XYLT1: variants seen among roughly 807,000 people sequenced by gnomAD.
XYLT1 encodes the protein beta-D-xylosyltransferase 1.
A neutral mutation model predicts 91.3 loss-of-function variants in XYLT1; 36 were observed. That is an observed-to-expected ratio of 0.39 (90% confidence interval 0.30 to 0.52). The LOEUF (loss-of-function observed/expected upper bound fraction) is 0.52, where lower values mean the gene tolerates loss of function less well. Ranked by LOEUF, XYLT1 falls within the 20% of genes least tolerant of loss-of-function variation. The pLI is 0.68. For synonymous variants in XYLT1, 588 were observed against 532.0 expected, an observed-to-expected ratio of 1.11 and a Z score of -1.45; for missense variants, 1,242 against 1,284.5, an observed-to-expected ratio of 0.97 and a Z score of 0.51.
chr16:17,432,621 A>G (rs1004026359), intron 1 of XYLT1, among the ~76,000 whole-genome samples: 12 of 152,314 alleles, frequency 7.9e-5, no homozygotes, highest in African/African-American at 2.6e-4. Flanking sequence ...AAGTTTACTA[A>G]AAATTATTGC....
intron 5 of XYLT1, among the ~76,000 whole-genome samples, chr16:17,187,542 G>A (rs1465980614): frequency 7.3e-6 from 1 of 136,934 alleles, no homozygotes; most frequent in African/African-American, 2.8e-5. Flanking sequence ...ACTCTAGCCT[G>A]GGTGACAGAG....
chr16:17,425,307 T>C (rs998366922), intron 1 of XYLT1, among the ~76,000 whole-genome samples: 2 of 152,176 alleles, frequency 1.3e-5, no homozygotes, highest in Admixed American at 1.3e-4. Context: ...TTTAGATGCA[T>C]TGTAGGGTGA....
intron 1 of XYLT1, among the ~76,000 whole-genome samples, chr16:17,366,487 G>C (rs994674862): frequency 6.6e-6 from 1 of 152,202 alleles, no homozygotes; most frequent in African/African-American, 2.4e-5. Context: ...TTGCGGTCAG[G>C]AGGTCGAGAC....
chr16:17,137,792 C>T (rs1161880746), intron 8 of XYLT1, among the ~76,000 whole-genome samples: 9 of 151,812 alleles, frequency 5.9e-5, no homozygotes, highest in Non-Finnish European at 1.0e-4. Flanking sequence ...GGCTGCTCCT[C>T]AGAAAAGTGC....
At chr16:17,280,848 C>A (rs2141784190) in intron 2 of XYLT1, among the ~76,000 whole-genome samples, 1 of 152,260 alleles carries the variant, frequency 6.6e-6, no homozygotes, top group South Asian at 2.1e-4. Flanking sequence ...CTTTTATTTT[C>A]TCTCTTCTCA....
intron 6 of XYLT1, among the ~76,000 whole-genome samples, chr16:17,158,579 G>T (rs1028655337): frequency 1.3e-5 from 2 of 152,206 alleles, no homozygotes; most frequent in African/African-American, 2.4e-5. Flanking sequence ...TATTGGACTT[G>T]TGGAAGTCCT....
chr16:17,248,464 C>T lies in XYLT1; in HGVS notation c.913+10524G>A, dbSNP rs114895733. Among the ~76,000 whole-genome samples, 881 of 152,300 alleles carry T rather than the reference C, an allele frequency of 5.8e-3. 8 individuals carry two copies. Among genetic ancestry groups the T allele is most frequent in the African/African-American group, 0.02 (825 of 41,562 alleles). On this transcript the variant is annotated intron_variant, in intron 3 of 11. Transcript: ENST00000261381. ...CCATTCTCCTTGCTCAAAGCAAAGA[C>T]ACAGATCCTCTAAACCTAGCACTTT... is the stretch of plus-strand genomic sequence containing the variant.
chr16:17,124,787 T>C (rs1567282790), intron 10 of XYLT1, among the ~76,000 whole-genome samples: 1 of 87,574 alleles, frequency 1.1e-5, no homozygotes. Context: ...GCTTTGTTCA[T>C]TTTTTAAAAA....
At chr16:17,423,097 C>T (rs2036269047) in intron 1 of XYLT1, among the ~76,000 whole-genome samples, 1 of 151,770 alleles carries the variant, frequency 6.6e-6, no homozygotes, top group Non-Finnish European at 1.5e-5. Flanking sequence ...ATGTGATTAT[C>T]GTTGCCAGAG....
chr16:17,340,460 A>G (rs1246174903), intron 2 of XYLT1, among the ~76,000 whole-genome samples: 1 of 152,218 alleles, frequency 6.6e-6, no homozygotes, highest in Non-Finnish European at 1.5e-5. Context: ...TTCCTTACCC[A>G]GGAACATTTT....
intron 3 of XYLT1, among the ~76,000 whole-genome samples, chr16:17,202,110 T>C (rs1282703267): frequency 1.3e-5 from 2 of 152,234 alleles, no homozygotes; most frequent in East Asian, 3.9e-4. Context: ...TTTAGTTTAT[T>C]ACAATCCCAA....
At chr16:17,411,484 A>G (rs1198664396) in intron 1 of XYLT1, among the ~76,000 whole-genome samples, 1 of 152,224 alleles carries the variant, frequency 6.6e-6, no homozygotes, top group African/African-American at 2.4e-5. Flanking sequence ...AAAATTGCTT[A>G]GACGGTATTC....
At chr16:17,367,928 T>C (rs2035476008) in intron 1 of XYLT1, among the ~76,000 whole-genome samples, 1 of 152,202 alleles carries the variant, frequency 6.6e-6, no homozygotes, top group South Asian at 2.1e-4. Context: ...AGTTTTTTGA[T>C]ACCAAATCTG....
intron 5 of XYLT1, among the ~76,000 whole-genome samples, chr16:17,168,057 G>T (rs1567305247): frequency 6.6e-6 from 1 of 152,212 alleles, no homozygotes; most frequent in African/African-American, 2.4e-5. Flanking sequence ...GGCCAAGTTC[G>T]GGACTTGCTG....
At chr16:17,178,810 C>A (rs940623997) in intron 5 of XYLT1, among the ~76,000 whole-genome samples, 1 of 152,170 alleles carries the variant, frequency 6.6e-6, no homozygotes, top group African/African-American at 2.4e-5. Flanking sequence ...TGGCTCATGC[C>A]TGTAATCCCA....
At chr16:17,203,810 A>C (rs1041452251) in intron 3 of XYLT1, among the ~76,000 whole-genome samples, 3 of 152,182 alleles carry the variant, frequency 2.0e-5, no homozygotes, top group Admixed American at 1.3e-4. Flanking sequence ...ATCATCCCAA[A>C]CACCATCCAT....
At chr16:17,293,718 A>T (rs1379912795) in intron 2 of XYLT1, among the ~76,000 whole-genome samples, 1 of 151,918 alleles carries the variant, frequency 6.6e-6, no homozygotes, top group Non-Finnish European at 1.5e-5. Context: ...TGAACTCCTG[A>T]GCTCAAGTGA....
At chr16:17,152,455 T>C (rs1024700461) in intron 6 of XYLT1, among the ~76,000 whole-genome samples, 1 of 152,220 alleles carries the variant, frequency 6.6e-6, no homozygotes, top group African/African-American at 2.4e-5. Flanking sequence ...GGAGATGAGA[T>C]ATTAATGATC....
intron 1 of XYLT1, among the ~76,000 whole-genome samples, chr16:17,406,090 C>G (rs1253754660): frequency 6.6e-6 from 1 of 152,122 alleles, no homozygotes; most frequent in African/African-American, 2.4e-5. Flanking sequence ...AAGGCTGAGG[C>G]AGGAGAATCG....
Sources: gnomAD v4.1 joint callset for allele counts (sites outside exome capture counted in the v4.1 genomes callset) on GRCh38, gnomAD v4.1.1 for gene constraint, MANE v1.5 for transcripts, NCBI Gene and HGNC (gene_info 2026-07-23, HGNC 2026-07-21) for gene names.